The following THBS4 variants were observed in gnomAD, a reference collection of about 807,000 sequenced individuals.
The protein encoded by THBS4 is thrombospondin 4, also known as thrombospondin-4.
THBS4 carries 90 observed loss-of-function variants against 115.7 expected under a neutral mutation model. The observed-to-expected ratio is 0.78, with a 90% CI of 0.66 to 0.93. THBS4 has a LOEUF of 0.93. THBS4 is among the 40% of genes least tolerant of loss of function. The pLI, the probability that THBS4 is intolerant of heterozygous loss-of-function variation, is 0.00. For synonymous variants in THBS4, 460 were observed against 479.3 expected (o/e 0.96, Z 0.53); for missense variants, 1,087 against 1,232.7 (o/e 0.88, Z 1.77).
At chr5:80,056,063 G>T in intron 3 of THBS4, 31 bp downstream of exon 3, 1 of 1,564,754 alleles carries the variant, frequency 6.4e-7, no homozygotes, top group South Asian at 1.2e-5. Flanking sequence ...CTCTGAAGTG[G>T]AAAAATGAGC....
In THBS4 at chr5:80,023,555, G is replaced by C. The variant is rs13188176; in HGVS notation, n.178-16522G>C. On this transcript the variant is annotated intron_variant and non_coding_transcript_variant, in intron 2 of 3. Transcript: ENST00000510218. ...CCGTTTCCTCTTATTTAAGCTTTGG[G>C]TGATAATAGATTAACAAACTCAATT... is the stretch of plus-strand genomic sequence containing the variant. Among the ~76,000 whole-genome samples the C allele has an allele frequency of 6.5e-3, 995 of 152,300 alleles. 6 individuals are homozygous for C. Among genetic ancestry groups the C allele is most frequent in the Non-Finnish European group, 9.0e-3 (609 of 68,030 alleles).
Position 80,055,799 on chromosome 5 carries a change from C to T in THBS4, c.307C>T (p.Leu103=). The part of the protein sequence containing the change: ...GRLNKAILRY[L]KNDGKVHLVV... ...CTTGCTTCCAGCCATCCTCCGTTAC[C>T]TGAAGAACGATGGGAAGGTGCATTT... is the stretch of plus-strand genomic sequence containing the variant. Residue 103 remains leucine (L), a synonymous_variant, in exon 3 of 22, where the codon CTG becomes TTG. Transcript: ENST00000350881. 1 of 1,613,520 alleles carries T rather than the reference C, an allele frequency of 6.2e-7. No homozygotes were observed. Among genetic ancestry groups the T allele is most frequent in the Non-Finnish European group, 8.5e-7 (1 of 1,179,530 alleles).
In THBS4 at chr5:80,068,010, C is replaced by T; in HGVS notation, c.1232C>T (p.Thr411Ile). The T allele has an allele frequency of 6.2e-7, 1 of 1,614,134 alleles. No individual in the cohort carries two copies. The highest frequency in any genetic ancestry group is 1.3e-5 in the African/African-American group (1 of 75,010). The part of the protein sequence containing the change: ...YRCGPCKPGY[T>I]GDQIRGCKAE... Reference sequence around the variant, plus strand: ...TGTGGGCCTTGTAAGCCGGGGTATACTGGTGATCAGATAAGGGGATGCAAA... The same window carrying T: ...TGTGGGCCTTGTAAGCCGGGGTATATTGGTGATCAGATAAGGGGATGCAAA... Residue 411 changes from threonine (T) to isoleucine (I), a missense_variant, in exon 10 of 22, where the codon ACT (threonine) becomes ATT (isoleucine). Transcript: ENST00000350881.
At chr5:80,071,290 T>TGGCTCATTGTGGCC (rs1310936326) in intron 13 of THBS4, 110 bp downstream of exon 13, 64 of 1,473,588 alleles carry the variant, frequency 4.3e-5, no homozygotes, top group Non-Finnish European at 4.9e-5. Flanking sequence ...CAGCTGTGGG[T>TGGCTCATTGTGGCC]GGCTCATTGT....
At chr5:80,041,430 G>A (rs995766860) in intron 2 of THBS4, among the ~76,000 whole-genome samples, 20 of 152,136 alleles carry the variant, frequency 1.3e-4, no homozygotes, top group Admixed American at 1.0e-3. Flanking sequence ...TTCAGCCCAT[G>A]ACAGCCACCC....
At chr5:80,082,643 GCT>G in intron 21 of THBS4, 98 bp downstream of exon 21, 1 of 1,446,088 alleles carries the variant, frequency 6.9e-7, no homozygotes, top group South Asian at 1.3e-5. Context: ...AAAGCCCAAC[GCT>G]CATACCACAT....
At chr5:80,047,219 C>T (rs1833095761) in intron 2 of THBS4, among the ~76,000 whole-genome samples, 1 of 152,080 alleles carries the variant, frequency 6.6e-6, no homozygotes, top group African/African-American at 2.4e-5. Context: ...ATACATATGG[C>T]CAGGTTAAAG....
Position 80,059,823 on chromosome 5 carries a change from C to T in THBS4, c.905C>T (p.Thr302Ile). 6.2e-7 allele frequency: 1 copy of T among 1,614,186 alleles called. No individual in the cohort carries two copies. The highest frequency in any genetic ancestry group is 8.5e-7 in the Non-Finnish European group (1 of 1,180,040). The change falls in exon 7 of 22, where the codon ACC becomes ATC. Residue 302 changes from threonine (T) to isoleucine (I), a missense_variant. Transcript: ENST00000350881. ...CCATGTTTCCGAGGTGTCCAATGTA[C>T]CGACAGTAGAGATGGCTTCCAGTGT... is the stretch of plus-strand genomic sequence containing the variant. ...SNPCFRGVQC[T>I]DSRDGFQCGP...
intron 5 of THBS4, 127 bp downstream of exon 5, chr5:80,058,917 C>A: frequency 1.2e-6 from 1 of 823,960 alleles, no homozygotes; most frequent in Non-Finnish European, 1.9e-6. Context: ...GGGGCCCACG[C>A]AGCCCCGCAC....
rs1050897716 is a variant in THBS4, at chr5:80,079,092, A to G, written c.2345A>G (p.Glu782Gly). 6.2e-7 allele frequency: 1 copy of G among 1,613,952 alleles called. No individual in the cohort carries two copies. Among genetic ancestry groups the G allele is most frequent in the Non-Finnish European group, 8.5e-7 (1 of 1,179,852 alleles). The change falls in exon 19 of 22, where the codon GAA (glutamate) becomes GGA (glycine). Residue 782 changes from glutamate (E) to glycine (G), a missense_variant. This residue lies in a region of THBS4 where 979 missense variants were observed against 1,103.7 expected (regional missense o/e 0.89). Coordinates refer to ENST00000350881, the MANE Select transcript of THBS4 (RefSeq NM_003248.6). ...ACAGCTTTTAATGGAGTTGACTTCG[A>G]AGGGACCTTCCATGTGAATACCCAG... is the stretch of plus-strand genomic sequence containing the variant. Reference protein sequence around the residue: ...GYTAFNGVDFEGTFHVNTQTD... With the variant: ...GYTAFNGVDFGGTFHVNTQTD...
rs1743442985 is a variant in THBS4 at position 80,080,577 on chromosome 5, A to ATTTTTTTTTTT, written c.2684+501_2684+502insTTTTTTTTTTT. Among the ~76,000 whole-genome samples the ATTTTTTTTTTT allele has an allele frequency of 6.0e-5, 4 of 66,824 alleles. 1 individual carries two copies. Among genetic ancestry groups the ATTTTTTTTTTT allele is most frequent in the Non-Finnish European group, 6.0e-5 (2 of 33,260 alleles). 43.8% of individuals were successfully genotyped at this position (66,824 alleles called of 152,430 possible). A position where few individuals can be genotyped will look rare whatever the true frequency, so the allele number is the denominator to read the frequency against. On this transcript the variant is annotated intron_variant, in intron 20 of 21. Coordinates refer to ENST00000350881, the MANE Select transcript of THBS4 (RefSeq NM_003248.6). ...CAAACTGCATGAGAGCAGCGCTTGT[A>ATTTTTTTTTTT]TCTTTTTTTTTTTTTTTTTTTTTTT...
intron 16 of THBS4, 78 bp from the exon 17 acceptor site, chr5:80,077,971 T>C (rs932873680): frequency 8.4e-6 from 11 of 1,304,926 alleles, no homozygotes; most frequent in Non-Finnish European, 1.1e-5. Context: ...CTGTTCCTCA[T>C]GCAGCCCCCT....
intron 2 of THBS4, among the ~76,000 whole-genome samples, chr5:80,047,184 C>T (rs1370596735): frequency 6.6e-6 from 1 of 152,088 alleles, no homozygotes; most frequent in African/African-American, 2.4e-5. Context: ...TAAAAAGCTC[C>T]TTACATTTTA....
chr5:80,080,002 C>G lies in THBS4; in HGVS notation c.2609C>G (p.Ser870Cys). ...CAGGTCAGGCTGCTGTGGAAGGACT[C>G]CAGGAATGTGGGCTGGAAGGACAAG... The part of the protein sequence containing the change: ...SDQVRLLWKD[S>C]RNVGWKDKVS... Residue 870 changes from serine (S) to cysteine (C), a missense_variant, in exon 20 of 22, where the codon TCC becomes TGC. Coordinates refer to ENST00000350881, the MANE Select transcript of THBS4 (RefSeq NM_003248.6). 6.2e-7 allele frequency: 1 copy of G among 1,614,082 alleles called. No homozygotes were observed. The highest frequency in any genetic ancestry group is 8.5e-7 in the Non-Finnish European group (1 of 1,180,008).
intron 2 of THBS4, among the ~76,000 whole-genome samples, chr5:80,010,058 A>T (rs1022970970): frequency 6.6e-6 from 1 of 152,192 alleles, no homozygotes; most frequent in African/African-American, 2.4e-5. Flanking sequence ...GCTTGAGCCC[A>T]GAAGTTGAAG....
Position 80,067,956 on chromosome 5 carries a change from A to T in THBS4, c.1195-17A>T. On this transcript the variant is annotated splice_polypyrimidine_tract_variant and intron_variant, in intron 9 of 21. Coordinates refer to ENST00000350881, the MANE Select transcript of THBS4 (RefSeq NM_003248.6). ...CCCACAGCTTTCAGCTCATCACCTG[A>T]TCTTTGTTCCTTGCAGGGATCTTAC... The T allele has an allele frequency of 6.2e-7, 1 of 1,612,844 alleles. No individual in the cohort carries two copies. The highest frequency in any genetic ancestry group is 8.5e-7 in the Non-Finnish European group (1 of 1,179,546).
At chr5:80,078,830 A>T in intron 17 of THBS4, 91 bp from the exon 18 acceptor site, 1 of 1,188,750 alleles carries the variant, frequency 8.4e-7, no homozygotes, top group Non-Finnish European at 1.2e-6. Flanking sequence ...ATCACTGGCC[A>T]CTCACTCATA....
Position 80,035,615 on chromosome 5 carries a change from C to A in THBS4, c.78C>A (p.Ala26=). The change falls in exon 1 of 22, where the codon GCC becomes GCA. Residue 26 remains alanine, a synonymous_variant. Transcript: ENST00000350881. This position sits in a 1 kb window ranked among gnomAD's most constrained non-coding sequence, Gnocchi z 4.6. ...LQRWLAAGAQ[A]TPQVFDLLPS... ...GGTGGCTAGCGGCAGGCGCCCAGGC[C>A]ACCCCCCAGGGTAAGTGGGTTCGGG... The A allele has an allele frequency of 1.0e-5, 14 of 1,389,452 alleles. No individual in the cohort carries two copies. The highest frequency in any genetic ancestry group is 1.2e-5 in the Non-Finnish European group (13 of 1,070,962). 86.1% of individuals were successfully genotyped at this position (1,389,452 alleles called of 1,614,324 possible).
At chr5:80,061,655 T>C (rs778635478) in intron 7 of THBS4, 40 bp from the exon 8 acceptor site, 2 of 1,552,424 alleles carry the variant, frequency 1.3e-6, no homozygotes, top group South Asian at 1.2e-5. Flanking sequence ...GAGAGTGTTT[T>C]CTCGGTGTGG....
Sources: gnomAD v4.1 joint callset for allele counts (sites outside exome capture counted in the v4.1 genomes callset) on GRCh38, gnomAD v4.1.1 for gene constraint, gnomAD v4.1.1 regional missense constraint, Gnocchi (gnomAD v3.1) non-coding constraint, MANE v1.5 for transcripts, NCBI Gene and HGNC (gene_info 2026-07-23, HGNC 2026-07-21) for gene names.